Variants in LAIR1 observed in about 807,000 individuals in gnomAD.
The protein encoded by LAIR1 is leukocyte associated immunoglobulin like receptor 1.
LAIR1 carries 24 observed loss-of-function variants against 32.8 expected under a neutral mutation model. The ratio of observed to expected loss-of-function variants is 0.73; its 90% CI spans 0.53 to 1.03. The LOEUF is 1.03. Ranked by LOEUF, LAIR1 falls within the 50% of genes least tolerant of loss-of-function variation. LAIR1 has a pLI of 0.00. For missense variants in LAIR1, 355 were observed against 347.5 expected (o/e 1.02, Z -0.17); for synonymous variants, 150 against 140.5 (o/e 1.07, Z -0.48).
upstream of LAIR1, chr19:54,368,800 G>C (rs1220739033): frequency 2.6e-5 from 4 of 152,150 alleles, no homozygotes; most frequent in South Asian, 8.3e-4. Flanking sequence ...CGATTCTCCT[G>C]TCTCGGCCTC....
chr19:54,357,722 G>A (rs965505392), intron 4 of LAIR1: 3 of 152,208 alleles, frequency 2.0e-5, no homozygotes, highest in Admixed American at 6.5e-5. Flanking sequence ...TCCGAGCCAA[G>A]CGTCCCTCTT....
At chr19:54,363,129 G>T (rs1470120933) in intron 2 of LAIR1, among the ~76,000 whole-genome samples, 1 of 151,896 alleles carries the variant, frequency 6.6e-6, no homozygotes, top group Non-Finnish European at 1.5e-5. Context: ...TTTGCAAATC[G>T]CCAGTCCCTG....
chr19:54,374,561 C>A (rs1288860991), upstream of LAIR1, among the ~76,000 whole-genome samples: 1 of 152,178 alleles, frequency 6.6e-6, no homozygotes, highest in Non-Finnish European at 1.5e-5. Flanking sequence ...CCGCAGTGAC[C>A]TTGGCAAAGT....
intron 8 of LAIR1, 100 bp from the exon 9 acceptor site, chr19:54,356,106 A>G: frequency 7.7e-7 from 1 of 1,291,592 alleles, no homozygotes; most frequent in Admixed American, 1.7e-5. Flanking sequence ...CCTGCACCCA[A>G]TGTATAATAC....
Position 54,361,154 on chromosome 19 carries a change from C to T in LAIR1, c.126G>A (p.Gly42=), listed in dbSNP as rs755214034. 13 of 1,614,174 alleles carry T rather than the reference C, an allele frequency of 8.1e-6. No individual in the cohort carries two copies. Among genetic ancestry groups the T allele is most frequent in the South Asian group, 1.1e-5 (1 of 91,078 alleles). The change falls in exon 3 of 10, where the codon GGG becomes GGA. Residue 42 remains glycine (G), a synonymous_variant. Transcript: ENST00000391742. ...CCCGGCACACGAAAGTCACATGGCT[C>T]CCCAGGGGGATCACGGTGCCTGGCT... ...SAEPGTVIPL[G]SHVTFVCRGP...
rs1278572357 is a variant in LAIR1 at position 54,364,576 on chromosome 19, C to T, written c.34+195G>A. 2.5e-6 allele frequency: 2 copies of T among 795,148 alleles called. No homozygotes were observed. The highest frequency in any genetic ancestry group is 4.4e-6 in the Non-Finnish European group (2 of 453,670). 49.3% of individuals were successfully genotyped at this position (795,148 alleles called of 1,614,324 possible). ...CCCTTCTTAAAGCTGACCTCATCCC[C>T]ACACCCGGGCCCCTGTTTTTAGGAC... On this transcript the variant is annotated intron_variant, in intron 1 of 9. Coordinates refer to ENST00000391742, the MANE Select transcript of LAIR1 (RefSeq NM_002287.6). The surrounding 1 kb of genome is among the most constrained non-coding windows in gnomAD (Gnocchi z 4.8).
Position 54,351,847 on chromosome 19 carries a change from A to G in LAIR1, c.*3421T>C, listed in dbSNP as rs944236742. 1 of 147,980 alleles carries G rather than the reference A, an allele frequency of 6.8e-6. No individual in the cohort carries two copies. The highest frequency in any genetic ancestry group is 2.5e-5 in the African/African-American group (1 of 40,158). The allele number at this position is 147,980 out of a possible 1,614,324, so 9.2% of individuals were successfully genotyped here. ...TCCCTTCTTCATGAATTTATTTTCT[A>G]TGTTCAGTTTTACACTAAAAGGTAA... On this transcript the variant is annotated 3_prime_UTR_variant, in exon 10 of 10. Transcript: ENST00000391742.
At chr19:54,375,149 C>T (rs2082478544), upstream of LAIR1, among the ~76,000 whole-genome samples, 1 of 152,230 alleles carries the variant, frequency 6.6e-6, no homozygotes, top group Non-Finnish European at 1.5e-5. Context: ...GCAGACAATG[C>T]CGTCCCGCCG....
At position 54,356,570 on chromosome 19, in the gene LAIR1, G is replaced by T. The variant is rs138711669; in HGVS notation, c.504C>A (p.Ile168=). The part of the protein sequence containing the change: ...GLKAEHLYIL[I]GVSVVFLFCL... Reference sequence around the variant, plus strand: ...AGAAGAGGAAGACCACTGAGACCCCGATGAGAATATACAGATGCTCAGCTT... The same window carrying T: ...AGAAGAGGAAGACCACTGAGACCCCTATGAGAATATACAGATGCTCAGCTT... Residue 168 remains isoleucine, a synonymous_variant, in exon 6 of 10, where the codon ATC becomes ATA. Transcript: ENST00000391742. The T allele has an allele frequency of 3.7e-6, 6 of 1,613,908 alleles. No individual in the cohort carries two copies. The highest frequency in any genetic ancestry group is 1.3e-5 in the African/African-American group (1 of 74,986).
intron 6 of LAIR1, 31 bp from the exon 7 acceptor site, chr19:54,356,429 A>T: frequency 1.2e-6 from 2 of 1,607,188 alleles, no homozygotes; most frequent in Non-Finnish European, 1.7e-6. Flanking sequence ...AATTAAGGAG[A>T]CCTTCTTCCT....
intron 2 of LAIR1, among the ~76,000 whole-genome samples, chr19:54,363,404 C>T (rs1053984604): frequency 4.6e-5 from 7 of 151,976 alleles, no homozygotes; most frequent in Admixed American, 4.6e-4. Flanking sequence ...GAAGTGTGGG[C>T]TCGTCTGGGG....
At position 54,355,400 on chromosome 19, in the gene LAIR1, C is replaced by T; in HGVS notation, c.732G>A (p.Gly244=). The T allele has an allele frequency of 1.2e-6, 2 of 1,607,622 alleles. No individual in the cohort carries two copies. Among genetic ancestry groups the T allele is most frequent in the East Asian group, 2.2e-5 (1 of 44,624 alleles). ...GAGCATACGTCACCTCCTGGGAACT[C>T]CCTGCAGCCAGGGCCTAAGAGGGAG... ...RETDTSALAA[G]SSQEVTYAQL... Residue 244 remains glycine (G), a synonymous_variant, in exon 10 of 10, where the codon GGG becomes GGA. Coordinates refer to ENST00000391742, the MANE Select transcript of LAIR1 (RefSeq NM_002287.6). This position sits in a 1 kb window ranked among gnomAD's most constrained non-coding sequence, Gnocchi z 4.7.
exon 1 of LAIR1, chr19:54,370,539 A>G (rs1195342677): frequency 2.5e-6 from 1 of 394,300 alleles, no homozygotes; most frequent in African/African-American, 2.2e-5. Flanking sequence ...CATAGATGTG[A>G]AAAAGCTTCT....
At chr19:54,356,871 T>G in intron 5 of LAIR1, 57 bp downstream of exon 5, 1 of 1,603,252 alleles carries the variant, frequency 6.2e-7, no homozygotes, top group African/African-American at 1.3e-5. Context: ...CCTGACCTCT[T>G]TCTCCTTCCC....
rs2082201145 is a variant in LAIR1 at position 54,364,901 on chromosome 19, G to A, written c.-97C>T. ...AGCAGACAGGATGTGCTGCCCGGGGGCCTCCTGCCTATGGGGCTTCCACAG... is the reference window on the plus strand; with the variant it reads ...AGCAGACAGGATGTGCTGCCCGGGGACCTCCTGCCTATGGGGCTTCCACAG... On this transcript the variant is annotated 5_prime_UTR_variant, in exon 1 of 10. Transcript: ENST00000391742. This position sits in a 1 kb window ranked among gnomAD's most constrained non-coding sequence, Gnocchi z 4.8. 10 of 1,607,028 alleles carry A rather than the reference G, an allele frequency of 6.2e-6. No homozygotes were observed. Among genetic ancestry groups the A allele is most frequent in the South Asian group, 4.4e-5 (4 of 90,350 alleles).
chr19:54,367,543 G>A (rs7255213), upstream of LAIR1, among the ~76,000 whole-genome samples: 36,112 of 151,394 alleles, frequency 0.24, 4,987 homozygotes, highest in East Asian at 0.38. Flanking sequence ...TCAGGAGATC[G>A]AGACCATCCT....
upstream of LAIR1, among the ~76,000 whole-genome samples, chr19:54,374,670 C>T (rs983006395): frequency 2.0e-5 from 3 of 152,146 alleles, 1 homozygote; most frequent in African/African-American, 7.2e-5. Context: ...TCCATCCCAA[C>T]AGAACTCATC....
At chr19:54,369,537 C>T (rs1166148410), upstream of LAIR1, among the ~76,000 whole-genome samples, 5 of 151,412 alleles carry the variant, frequency 3.3e-5, no homozygotes, top group African/African-American at 1.2e-4. Flanking sequence ...TTGCATTCCT[C>T]TAAGACCTTT....
chr19:54,373,316 C>T (rs545096709), upstream of LAIR1, among the ~76,000 whole-genome samples: 35 of 151,584 alleles, frequency 2.3e-4, 1 homozygote, highest in South Asian at 5.8e-3. Context: ...TGGTGGCGGG[C>T]ACCTGTAGTC....
Sources: allele counts gnomAD v4.1 joint callset (sites outside exome capture counted in the v4.1 genomes callset), GRCh38; gene constraint gnomAD v4.1.1; non-coding constraint Gnocchi (gnomAD v3.1); transcripts MANE v1.5; gene names NCBI Gene and HGNC (gene_info 2026-07-23, HGNC 2026-07-21).